Variants in DACH1 observed in about 807,000 individuals in gnomAD.
The protein encoded by DACH1 is dachshund homolog 1.
A neutral mutation model predicts 54.2 loss-of-function variants in DACH1; 12 were observed. That is an observed-to-expected ratio of 0.22 (90% CI 0.14 to 0.36). DACH1 has a LOEUF of 0.36. Ranked by LOEUF, DACH1 falls within the 10% of genes least tolerant of loss-of-function variation. The probability of loss-of-function intolerance (pLI) is 1.00; values close to 1 mark genes in which losing one functional copy is unlikely to be tolerated. For missense variants in DACH1, 805 were observed against 929.8 expected (o/e 0.87, Z 1.75); for synonymous variants, 386 against 366.2 (o/e 1.05, Z -0.62).
At chr13:71,846,766 T>C (rs1873307429) in intron 1 of DACH1, among the ~76,000 whole-genome samples, 1 of 152,224 alleles carries the variant, frequency 6.6e-6, no homozygotes, top group Non-Finnish European at 1.5e-5. Flanking sequence ...TGTCAAACCT[T>C]AAGCAAGTAA....
chr13:71,475,559 C>T (rs1408179084), intron 9 of DACH1, 147 bp downstream of exon 9: 1 of 977,784 alleles, frequency 1.0e-6, no homozygotes, highest in Non-Finnish European at 1.5e-6. Flanking sequence ...TTTTCCCCAA[C>T]ACGTTCTTCC....
At chr13:71,663,363 A>T (rs1026809722) in intron 2 of DACH1, among the ~76,000 whole-genome samples, 1 of 152,032 alleles carries the variant, frequency 6.6e-6, no homozygotes, top group African/African-American at 2.4e-5. Flanking sequence ...TTTTAAATAA[A>T]ACATAAGAGA....
intron 7 of DACH1, among the ~76,000 whole-genome samples, chr13:71,481,931 C>T (rs138336662): frequency 9.7e-4 from 147 of 152,300 alleles, no homozygotes; most frequent in South Asian, 7.5e-3. Context: ...CTGCATCTCA[C>T]TTGGACATGC....
chr13:71,611,275 A>G (rs1203243830), intron 3 of DACH1, among the ~76,000 whole-genome samples: 2 of 152,196 alleles, frequency 1.3e-5, no homozygotes, highest in Non-Finnish European at 2.9e-5. Flanking sequence ...ATAATTTTAG[A>G]TTTTAAAACT....
At chr13:71,576,273 G>A (rs767321777) in intron 3 of DACH1, among the ~76,000 whole-genome samples, 1 of 152,068 alleles carries the variant, frequency 6.6e-6, no homozygotes, top group Non-Finnish European at 1.5e-5. Flanking sequence ...TATATATAAA[G>A]AGTGACTGTG....
chr13:71,629,559 A>G (rs1256713376), intron 3 of DACH1, among the ~76,000 whole-genome samples: 1 of 152,178 alleles, frequency 6.6e-6, no homozygotes, highest in Non-Finnish European at 1.5e-5. Flanking sequence ...GATTGTTACT[A>G]AAATCCACAG....
intron 1 of DACH1, among the ~76,000 whole-genome samples, chr13:71,848,734 A>C (rs1873463948): frequency 6.6e-6 from 1 of 152,122 alleles, no homozygotes; most frequent in Non-Finnish European, 1.5e-5. Flanking sequence ...TATGTTGCCC[A>C]GGATGGTCTG....
intron 3 of DACH1, among the ~76,000 whole-genome samples, chr13:71,608,486 A>G (rs1359544852): frequency 1.3e-5 from 2 of 152,048 alleles, no homozygotes; most frequent in Non-Finnish European, 2.9e-5. Flanking sequence ...GTTTCACTCT[A>G]TATTAGACTT....
At chr13:71,693,257 C>T (rs1046818528) in intron 1 of DACH1, among the ~76,000 whole-genome samples, 3 of 148,268 alleles carry the variant, frequency 2.0e-5, no homozygotes, top group Non-Finnish European at 4.5e-5. Context: ...ATACATTCAA[C>T]AATCTGGTAT....
intron 2 of DACH1, among the ~76,000 whole-genome samples, chr13:71,649,632 A>G (rs1028969652): frequency 6.6e-6 from 1 of 152,226 alleles, no homozygotes. Context: ...TAATTTTAAG[A>G]TGATGAAAAC....
At chr13:71,525,198 A>G (rs111702505) in intron 6 of DACH1, among the ~76,000 whole-genome samples, 2 of 152,166 alleles carry the variant, frequency 1.3e-5, no homozygotes, top group Non-Finnish European at 2.9e-5. Flanking sequence ...CGATTCATAA[A>G]TCCTTAACTG....
chr13:71,541,521 A>G (rs1883125575), intron 6 of DACH1, among the ~76,000 whole-genome samples: 1 of 152,108 alleles, frequency 6.6e-6, no homozygotes. Context: ...TAAGATCTGA[A>G]TAAAACTTTT....
intron 3 of DACH1, among the ~76,000 whole-genome samples, chr13:71,604,069 C>A (rs544924092): frequency 6.6e-6 from 1 of 151,740 alleles, no homozygotes; most frequent in African/African-American, 2.4e-5. Flanking sequence ...TTGACTTATA[C>A]AATGAAAGCA....
intron 6 of DACH1, among the ~76,000 whole-genome samples, chr13:71,554,620 T>C (rs1884119978): frequency 6.6e-6 from 1 of 152,160 alleles, no homozygotes; most frequent in Non-Finnish European, 1.5e-5. Flanking sequence ...CCACAGTTGT[T>C]TTAACTCTTG....
At chr13:71,783,438 T>C (rs1886463799) in intron 1 of DACH1, among the ~76,000 whole-genome samples, 1 of 152,190 alleles carries the variant, frequency 6.6e-6, no homozygotes, top group Non-Finnish European at 1.5e-5. Context: ...TATGTTTTCC[T>C]ATCAAAGGAC....
At chr13:71,455,949 A>T (rs1875520837) in intron 10 of DACH1, among the ~76,000 whole-genome samples, 1 of 152,170 alleles carries the variant, frequency 6.6e-6, no homozygotes. Flanking sequence ...AAACAATAAC[A>T]AATGTAAGAC....
rs570378068 is a variant in DACH1, at chr13:71,516,613, C to T, written c.1571-27465G>A. On this transcript the variant is annotated intron_variant, in intron 6 of 10. Transcript: ENST00000613252. ...TATTTATTTTTCATTACATGAAATT[C>T]ATCCTCTGTTCCTTCTTTTGGCTTG... is the stretch of plus-strand genomic sequence containing the variant. 5.9e-5 allele frequency among the ~76,000 whole-genome samples: 9 copies of T among 151,938 alleles called. No individual in the cohort carries two copies. In the East Asian group the frequency reaches 1.8e-3, roughly 30 times the overall value.
chr13:71,694,204 A>G lies in DACH1; in HGVS notation c.849-12294T>C, dbSNP rs527774242. ...GTTTGAGAAACCTGTAAACACACAC[A>G]CACACACACAAGCACACACACATCC... On this transcript the variant is annotated intron_variant, in intron 1 of 10. Coordinates refer to ENST00000613252, the MANE Select transcript of DACH1 (RefSeq NM_080759.6). Among the ~76,000 whole-genome samples, 12 of 152,162 alleles carry G rather than the reference A, an allele frequency of 7.9e-5. No homozygotes were observed. In the South Asian group the frequency reaches 2.5e-3, roughly 32 times the overall value.
chr13:71,544,528 G>T (rs1046117177), intron 6 of DACH1, among the ~76,000 whole-genome samples: 3 of 152,016 alleles, frequency 2.0e-5, no homozygotes, highest in Non-Finnish European at 4.4e-5. Flanking sequence ...AAATAATGCT[G>T]TTAAGAAATC....
Sources: allele counts gnomAD v4.1 joint callset (sites outside exome capture counted in the v4.1 genomes callset), GRCh38; gene constraint gnomAD v4.1.1; transcripts MANE v1.5; gene names NCBI Gene and HGNC (gene_info 2026-07-23, HGNC 2026-07-21).